Variants in PTPRQ observed in about 807,000 individuals in gnomAD.
PTPRQ encodes the protein phosphatidylinositol phosphatase PTPRQ.
A neutral mutation model predicts 246.0 loss-of-function variants in PTPRQ; 199 were observed. The observed-to-expected ratio is 0.81, with a 90% CI of 0.72 to 0.91. The LOEUF (loss-of-function observed/expected upper bound fraction) is 0.91. PTPRQ is among the 40% of genes least tolerant of loss of function. The probability of loss-of-function intolerance (pLI) is 0.00; values close to 1 mark genes in which losing one functional copy is unlikely to be tolerated. For missense variants in PTPRQ, 2,624 were observed against 2,528.4 expected, an observed-to-expected ratio of 1.04 and a Z score of -0.81; for synonymous variants, 869 against 853.2, an observed-to-expected ratio of 1.02 and a Z score of -0.32.
At chr12:80,650,505 A>G (rs1164742574) in intron 37 of PTPRQ, among the ~76,000 whole-genome samples, 2 of 152,062 alleles carry the variant, frequency 1.3e-5, no homozygotes, top group Non-Finnish European at 2.9e-5. Context: ...TTTTTCCATG[A>G]AATTTCCAGT....
chr12:80,479,752 A>C (rs1228517642), intron 8 of PTPRQ, among the ~76,000 whole-genome samples: 2 of 151,548 alleles, frequency 1.3e-5, no homozygotes, highest in African/African-American at 4.9e-5. Context: ...ACAGACTTTA[A>C]ACCAATAAAG....
chr12:80,479,079 T>G (rs1893932566), intron 8 of PTPRQ, among the ~76,000 whole-genome samples: 1 of 151,738 alleles, frequency 6.6e-6, no homozygotes, highest in African/African-American at 2.4e-5. Context: ...AATTGTCAGA[T>G]TCACCAAAGT....
At chr12:80,570,360 G>C (rs540501314) in intron 25 of PTPRQ, among the ~76,000 whole-genome samples, 66 of 152,148 alleles carry the variant, frequency 4.3e-4, no homozygotes, top group African/African-American at 1.5e-3. Context: ...TCATATTTTT[G>C]TTGGCTCCAT....
chr12:80,473,045 A>ACACACG (rs1555185233), intron 8 of PTPRQ, among the ~76,000 whole-genome samples: 28 of 92,336 alleles, frequency 3.0e-4, no homozygotes, highest in African/African-American at 7.6e-4. Flanking sequence ...ACTCACACAC[A>ACACACG]CGCACACACA....
At position 80,552,582 on chromosome 12, in the gene PTPRQ, G is replaced by T. The variant is rs538212764; in HGVS notation, c.4285+2848G>T. ...AGAACTGTGATTCATAATCCAAATC[G>T]CAATGTGCACCTGATGTAGAGCCAC... On this transcript the variant is annotated intron_variant, in intron 25 of 44. Transcript: ENST00000644991. Among the ~76,000 whole-genome samples, 130 of 137,044 alleles carry T rather than the reference G, an allele frequency of 9.5e-4. 4 individuals are homozygous for T. Among genetic ancestry groups the T allele is most frequent in the African/African-American group, 3.4e-3 (124 of 36,556 alleles). 89.9% of individuals were successfully genotyped at this position (137,044 alleles called of 152,430 possible).
chr12:80,485,927 ATAG>A (rs1894260539), intron 9 of PTPRQ, among the ~76,000 whole-genome samples: 1 of 152,046 alleles, frequency 6.6e-6, no homozygotes, highest in Non-Finnish European at 1.5e-5. Flanking sequence ...TTCTCGTCTC[ATAG>A]TAGAGAGCTC....
intron 39 of PTPRQ, among the ~76,000 whole-genome samples, 154 bp downstream of exon 39, chr12:80,658,215 T>C (rs569302903): frequency 2.9e-4 from 44 of 152,190 alleles, no homozygotes; most frequent in Non-Finnish European, 5.9e-4. Flanking sequence ...CCTTATTTTA[T>C]AGATGTGGAT....
At chr12:80,462,433 G>T (rs1215302605) in intron 6 of PTPRQ, 1 of 166,182 alleles carries the variant, frequency 6.0e-6, no homozygotes, top group Non-Finnish European at 1.3e-5. Context: ...ACCTCTGGGG[G>T]CAGGGCACAG....
Position 80,506,099 on chromosome 12 carries a change from C to G in PTPRQ, c.2348C>G (p.Pro783Arg). 6.5e-7 allele frequency: 1 copy of G among 1,543,800 alleles called. No homozygotes were observed. Among genetic ancestry groups the G allele is most frequent in the Non-Finnish European group, 8.7e-7 (1 of 1,143,878 alleles). The change falls in exon 15 of 45, where the codon CCA becomes CGA. Residue 783 changes from proline (P) to arginine (R), a missense_variant. Coordinates refer to ENST00000644991, the MANE Select transcript of PTPRQ (RefSeq NM_001145026.2). ...GAGATTGAGCTATCATTCCTTCCCC[C>G]AAGTAGTCCCAATGGAATCATACAA... Reference protein sequence around the residue: ...SGEIELSFLPPSSPNGIIQKY... With the variant: ...SGEIELSFLPRSSPNGIIQKY...
rs1277897358 is a variant in PTPRQ, at chr12:80,549,754, T to C, written c.4285+20T>C. 6.6e-7 allele frequency: 1 copy of C among 1,521,966 alleles called. No homozygotes were observed. The highest frequency in any genetic ancestry group is 8.8e-7 in the Non-Finnish European group (1 of 1,132,166). 94.3% of individuals were successfully genotyped at this position (1,521,966 alleles called of 1,614,324 possible). A position where few individuals can be genotyped will look rare whatever the true frequency, so the allele number is the denominator to read the frequency against. ...AAACAGGTAACTAACGTGAAACAGGTAACTAACATGAAACCTTTAACTATT... is the reference window on the plus strand; with the variant it reads ...AAACAGGTAACTAACGTGAAACAGGCAACTAACATGAAACCTTTAACTATT... On this transcript the variant is annotated intron_variant, in intron 25 of 44. Coordinates refer to ENST00000644991, the MANE Select transcript of PTPRQ (RefSeq NM_001145026.2).
intron 25 of PTPRQ, among the ~76,000 whole-genome samples, chr12:80,563,645 C>T (rs1896893357): frequency 6.6e-6 from 1 of 151,962 alleles, no homozygotes; most frequent in South Asian, 2.1e-4. Flanking sequence ...TTTGTTATAC[C>T]CAAGGAGAGG....
rs1255434138 is a variant in PTPRQ at position 80,610,556 on chromosome 12, G to T, written c.4849G>T (p.Gly1617Trp). 1.3e-6 allele frequency: 2 copies of T among 1,543,466 alleles called. No homozygotes were observed. Among genetic ancestry groups the T allele is most frequent in the African/African-American group, 1.4e-5 (1 of 72,372 alleles). Residue 1617 changes from glycine (G) to tryptophan (W), a missense_variant, in exon 28 of 45, where the codon GGG (glycine) becomes TGG (tryptophan). Gly to Trp is a radical substitution (Grantham distance 184, BLOSUM62 -2). Coordinates refer to ENST00000644991, the MANE Select transcript of PTPRQ (RefSeq NM_001145026.2). The part of the protein sequence containing the change: ...RYSVVITAFT[G>W]NISAAYVEGK... The stretch of plus-strand genomic sequence containing the variant: ...TTCTGTAGTGATCACTGCATTTACT[G>T]GGAACATTAGTGCTGCATATGTAGA...
chr12:80,457,786 G>A (rs568701197), intron 4 of PTPRQ, 142 bp downstream of exon 4: 74 of 391,776 alleles, frequency 1.9e-4, no homozygotes, highest in African/African-American at 1.0e-3. Context: ...GAGTTCTTTC[G>A]GATAGCTAAT....
chr12:80,614,750 T>C (rs1463737418), intron 29 of PTPRQ, among the ~76,000 whole-genome samples: 1 of 150,588 alleles, frequency 6.6e-6, no homozygotes, highest in African/African-American at 2.4e-5. Context: ...CCAGGGCAGC[T>C]TTATCAAATC....
chr12:80,679,129 A>G lies in PTPRQ; in HGVS notation c.*106A>G, dbSNP rs886138060. On this transcript the variant is annotated 3_prime_UTR_variant, in exon 45 of 45. Transcript: ENST00000644991. ...AATGTGCAACCTTAAAGAAATATCT[A>G]TGCTTCTCTCACTGTGCCTTTCCAA... The G allele has an allele frequency of 7.3e-7, 1 of 1,365,410 alleles. No homozygotes were observed. 84.6% of individuals were successfully genotyped at this position (1,365,410 alleles called of 1,614,324 possible).
chr12:80,524,077 G>A (rs560044785), intron 17 of PTPRQ, among the ~76,000 whole-genome samples: 243 of 152,130 alleles, frequency 1.6e-3, no homozygotes, highest in Non-Finnish European at 3.1e-3. Flanking sequence ...ATTTAGGATC[G>A]ATAGCTCTTC....
intron 4 of PTPRQ, among the ~76,000 whole-genome samples, chr12:80,459,077 C>T (rs141075560): frequency 6.6e-6 from 1 of 152,088 alleles, no homozygotes; most frequent in Non-Finnish European, 1.5e-5. Context: ...CATGTATTAG[C>T]CCAGTTATCC....
At position 80,603,397 on chromosome 12, in the gene PTPRQ, A is replaced by G. The variant is rs74761471; in HGVS notation, c.4610-1662A>G. On this transcript the variant is annotated intron_variant, in intron 26 of 44. Coordinates refer to ENST00000644991, the MANE Select transcript of PTPRQ (RefSeq NM_001145026.2). ...CGGAATCCCACTATTTAAAGAATAA[A>G]CTCCAAATTCTTTAACGTAACAATC... Among the ~76,000 whole-genome samples, 861 of 151,778 alleles carry G rather than the reference A, an allele frequency of 5.7e-3. 7 individuals carry two copies. Among genetic ancestry groups the G allele is most frequent in the African/African-American group, 0.019 (799 of 41,474 alleles).
At chr12:80,475,328 T>G (rs900251751) in intron 8 of PTPRQ, among the ~76,000 whole-genome samples, 3 of 152,094 alleles carry the variant, frequency 2.0e-5, no homozygotes, top group Non-Finnish European at 4.4e-5. Context: ...AGCATTAATT[T>G]TGAAGTTGGA....
Sources: allele counts gnomAD v4.1 joint callset (sites outside exome capture counted in the v4.1 genomes callset), GRCh38; gene constraint gnomAD v4.1.1; transcripts MANE v1.5; gene names NCBI Gene and HGNC (gene_info 2026-07-23, HGNC 2026-07-21).